Variants in ALPK1 observed in about 807,000 individuals in gnomAD.
ALPK1 encodes the protein alpha kinase 1, also known as alpha-protein kinase 1.
Under a neutral mutation model 120.6 loss-of-function variants are expected in ALPK1, and 110 were observed. That is an observed-to-expected ratio of 0.91 (90% confidence interval 0.78 to 1.07). The LOEUF (loss-of-function observed/expected upper bound fraction) is 1.07. Ranked by LOEUF, ALPK1 falls within the 50% of genes least tolerant of loss-of-function variation. The pLI, the probability that ALPK1 is intolerant of heterozygous loss-of-function variation, is 0.00. For missense variants in ALPK1, 1,498 were observed against 1,483.9 expected, an observed-to-expected ratio of 1.01 and a Z score of -0.16; for synonymous variants, 582 against 560.3, an observed-to-expected ratio of 1.04 and a Z score of -0.55.
chr4:112,302,548 A>G (rs1008639931), intron 1 of ALPK1: 2 of 152,212 alleles, frequency 1.3e-5, no homozygotes, highest in African/African-American at 2.4e-5. Flanking sequence ...TCACGCAACC[A>G]GAGCACCTCT....
At chr4:112,324,616 A>G (rs1358466836) in intron 2 of ALPK1, among the ~76,000 whole-genome samples, 1 of 152,184 alleles carries the variant, frequency 6.6e-6, no homozygotes, top group Non-Finnish European at 1.5e-5. Flanking sequence ...AGCTAAGACT[A>G]TAGGTATGTG....
chr4:112,305,683 G>A (rs777571195), intron 1 of ALPK1, among the ~76,000 whole-genome samples: 11 of 152,060 alleles, frequency 7.2e-5, no homozygotes, highest in African/African-American at 2.2e-4. Context: ...ATACAGTCAC[G>A]TCATCTGCAA....
intron 1 of ALPK1, among the ~76,000 whole-genome samples, chr4:112,310,590 T>G (rs992259254): frequency 3.3e-5 from 5 of 152,030 alleles, no homozygotes; most frequent in Non-Finnish European, 7.4e-5. Flanking sequence ...CTTTATCAAG[T>G]GTAAATGGGA....
intron 2 of ALPK1, among the ~76,000 whole-genome samples, chr4:112,371,632 C>A (rs1466282168): frequency 6.6e-6 from 1 of 152,224 alleles, no homozygotes; most frequent in African/African-American, 2.4e-5. Flanking sequence ...TGTTTGCCTT[C>A]ATACAACTGC....
Position 112,435,256 on chromosome 4 carries a change from A to G in ALPK1, c.3143A>G (p.Asn1048Ser). 1 of 1,613,680 alleles carries G rather than the reference A, an allele frequency of 6.2e-7. No individual in the cohort carries two copies. The highest frequency in any genetic ancestry group is 8.5e-7 in the Non-Finnish European group (1 of 1,179,886). ...LTVKKKGRQR[N>S]AFWVHHLHQE... ...GTGAAGAAAAAAGGCAGACAAAGAA[A>G]TGCTTTTTGGGTTCATCATCTTCAT... The change falls in exon 12 of 16, where the codon AAT becomes AGT. Residue 1048 changes from asparagine to serine, a missense_variant. Coordinates refer to ENST00000650871, the MANE Select transcript of ALPK1 (RefSeq NM_025144.4).
chr4:112,345,354 C>T (rs1730057050), intron 2 of ALPK1, among the ~76,000 whole-genome samples: 1 of 152,160 alleles, frequency 6.6e-6, no homozygotes, highest in African/African-American at 2.4e-5. Flanking sequence ...AGAAGCATTA[C>T]ATGATGTGGA....
In ALPK1 at chr4:112,310,260, C is replaced by T. The variant is rs115861192; in HGVS notation, c.-152-5541C>T. ...ATTCATCAACATAACACTTGGAGAACTGCATCTATTTTCTTATAAGTATAT... is the reference window on the plus strand; with the variant it reads ...ATTCATCAACATAACACTTGGAGAATTGCATCTATTTTCTTATAAGTATAT... On this transcript the variant is annotated intron_variant, in intron 1 of 15. Transcript: ENST00000650871. Among the ~76,000 whole-genome samples the T allele has an allele frequency of 4.3e-4, 66 of 152,174 alleles. 1 individual carries two copies. Among genetic ancestry groups the T allele is most frequent in the African/African-American group, 1.5e-3 (64 of 41,468 alleles).
At position 112,411,999 on chromosome 4, in the gene ALPK1, G is replaced by C. The variant is rs374550552; in HGVS notation, c.449G>C (p.Arg150Pro). 1.2e-6 allele frequency: 2 copies of C among 1,613,896 alleles called. No individual in the cohort carries two copies. The highest frequency in any genetic ancestry group is 1.3e-5 in the African/African-American group (1 of 74,908). ...ATPIAPQVVI[R>P]QARISVNSGK... The stretch of plus-strand genomic sequence containing the variant: ...CCAATTGCCCCGCAGGTGGTTATTC[G>C]CCAAGCCCGAATCTCCGTGAACTCA... Residue 150 changes from arginine to proline, a missense_variant, in exon 5 of 16, where the codon CGC becomes CCC. Coordinates refer to ENST00000650871, the MANE Select transcript of ALPK1 (RefSeq NM_025144.4).
chr4:112,417,106 T>TGACA (rs1733778694), intron 5 of ALPK1, among the ~76,000 whole-genome samples: 1 of 152,140 alleles, frequency 6.6e-6, no homozygotes, highest in Non-Finnish European at 1.5e-5. Context: ...ATTTTATACC[T>TGACA]AGCAAAATTG....
chr4:112,374,384 C>T (rs1230843071), intron 2 of ALPK1, among the ~76,000 whole-genome samples: 1 of 152,196 alleles, frequency 6.6e-6, no homozygotes, highest in African/African-American at 2.4e-5. Context: ...TTGCTATTTC[C>T]ACCACATCTG....
chr4:112,309,766 C>G (rs1477616882), intron 1 of ALPK1, among the ~76,000 whole-genome samples: 3 of 152,064 alleles, frequency 2.0e-5, no homozygotes, highest in Non-Finnish European at 2.9e-5. Flanking sequence ...ACTCTTGTCA[C>G]CACTATTACT....
chr4:112,439,962 T>C (rs1467675050), intron 14 of ALPK1, 90 bp downstream of exon 14: 1 of 1,142,274 alleles, frequency 8.8e-7, no homozygotes. Flanking sequence ...ACTTAATAGA[T>C]TGTTCCATGT....
chr4:112,422,949 G>A (rs1734066174), intron 5 of ALPK1, among the ~76,000 whole-genome samples: 1 of 152,200 alleles, frequency 6.6e-6, no homozygotes, highest in Non-Finnish European at 1.5e-5. Flanking sequence ...CATTCCATTT[G>A]TCAAAACAGG....
chr4:112,429,846 AAAAAAAAAG>A (rs1254550243), intron 10 of ALPK1, among the ~76,000 whole-genome samples: 2 of 143,372 alleles, frequency 1.4e-5, no homozygotes, highest in East Asian at 2.2e-4. Flanking sequence ...CCTCAAAAAA[AAAAAAAAAG>A]AAAAGAAAAG....
At chr4:112,404,801 A>T (rs1157598981) in intron 4 of ALPK1, among the ~76,000 whole-genome samples, 1 of 152,080 alleles carries the variant, frequency 6.6e-6, no homozygotes, top group African/African-American at 2.4e-5. Context: ...TTGTTCTGGG[A>T]CTCAGTCAAG....
intron 3 of ALPK1, among the ~76,000 whole-genome samples, chr4:112,380,855 T>A (rs1363080851): frequency 1.3e-5 from 2 of 152,156 alleles, no homozygotes; most frequent in Non-Finnish European, 2.9e-5. Context: ...CAGAAATAGT[T>A]ACAGAGCAGT....
chr4:112,439,913 T>C (rs769649019), intron 14 of ALPK1, 41 bp downstream of exon 14: 57 of 1,485,058 alleles, frequency 3.8e-5, no homozygotes, highest in Middle Eastern at 2.3e-4. Context: ...TAATATTATA[T>C]GTAAATGTGA....
intron 1 of ALPK1, among the ~76,000 whole-genome samples, chr4:112,314,954 C>T (rs972099368): frequency 6.9e-6 from 1 of 145,274 alleles, no homozygotes; most frequent in Non-Finnish European, 1.5e-5. Context: ...GATCTCGGCT[C>T]ACTGCAACTT....
chr4:112,401,356 T>C (rs373038864), intron 4 of ALPK1, among the ~76,000 whole-genome samples: 66 of 152,308 alleles, frequency 4.3e-4, no homozygotes, highest in African/African-American at 1.6e-3. Flanking sequence ...CCAGAAAGGT[T>C]GCAGAATTGT....
Sources: gnomAD v4.1 joint callset for allele counts (sites outside exome capture counted in the v4.1 genomes callset) on GRCh38, gnomAD v4.1.1 for gene constraint, MANE v1.5 for transcripts, NCBI Gene and HGNC (gene_info 2026-07-23, HGNC 2026-07-21) for gene names.